The following CADM1 variants were observed in gnomAD, a reference collection of about 807,000 sequenced individuals.
The protein encoded by CADM1 is cell adhesion molecule 1.
In CADM1, 15 loss-of-function variants were observed where a neutral mutation model predicts 53.1. The observed-to-expected ratio is 0.28, with a 90% CI of 0.19 to 0.44. CADM1 has a LOEUF of 0.44. Ranked by LOEUF, CADM1 falls within the 20% of genes least tolerant of loss-of-function variation. The probability of loss-of-function intolerance (pLI) is 1.00; values close to 1 mark genes in which losing one functional copy is unlikely to be tolerated. For synonymous variants in CADM1, 281 were observed against 243.0 expected (o/e 1.16, Z -1.45); for missense variants, 434 against 611.3 (o/e 0.71, Z 3.06).
intron 6 of CADM1, 111 bp downstream of exon 6, chr11:115,217,781 A>G: frequency 1.3e-6 from 1 of 769,542 alleles, no homozygotes. Context: ...AAAACCATCC[A>G]TCCTTTGCAG....
intron 1 of CADM1, among the ~76,000 whole-genome samples, chr11:115,260,650 CT>C (rs1265577768): frequency 2.0e-5 from 3 of 152,026 alleles, no homozygotes; most frequent in Non-Finnish European, 4.4e-5. Flanking sequence ...TTCCTAAGTG[CT>C]TTTTTTAAAT....
intron 1 of CADM1, among the ~76,000 whole-genome samples, chr11:115,370,626 G>C (rs1166899361): frequency 6.6e-6 from 1 of 152,124 alleles, no homozygotes; most frequent in Non-Finnish European, 1.5e-5. Context: ...CCAATGCCTT[G>C]ATCTTGGAAG....
intron 1 of CADM1, among the ~76,000 whole-genome samples, chr11:115,426,373 G>T (rs1010499422): frequency 6.6e-6 from 1 of 152,126 alleles, no homozygotes; most frequent in South Asian, 2.1e-4. Context: ...GATTTCAGTC[G>T]CTTCCATGTC....
chr11:115,284,354 CCA>C (rs1010488477), intron 1 of CADM1, among the ~76,000 whole-genome samples: 1 of 151,722 alleles, frequency 6.6e-6, no homozygotes, highest in African/African-American at 2.4e-5. Flanking sequence ...GAAATAATTC[CCA>C]CACACAGCAC....
chr11:115,491,565 C>CA (rs1164044775), intron 1 of CADM1, among the ~76,000 whole-genome samples: 94 of 143,040 alleles, frequency 6.6e-4, no homozygotes, highest in African/African-American at 1.5e-3. Flanking sequence ...GACTCCATCT[C>CA]AAAAAAAAAA....
chr11:115,491,483 T>C (rs1430672559), intron 1 of CADM1, among the ~76,000 whole-genome samples: 2 of 151,970 alleles, frequency 1.3e-5, no homozygotes, highest in African/African-American at 2.4e-5. Context: ...GAGAATGGCA[T>C]GAACCTGGCG....
At chr11:115,358,673 T>G (rs2157614) in intron 1 of CADM1, among the ~76,000 whole-genome samples, 67,384 of 152,028 alleles carry the variant, frequency 0.44, 16,806 homozygotes, top group Non-Finnish European at 0.58. Flanking sequence ...ATAATTATTT[T>G]GAGATTAATG....
At chr11:115,187,951 T>C (rs1939656955) in intron 10 of CADM1, among the ~76,000 whole-genome samples, 1 of 152,136 alleles carries the variant, frequency 6.6e-6, no homozygotes, top group Non-Finnish European at 1.5e-5. Flanking sequence ...CAAGAGCTGA[T>C]AACATGTTTT....
chr11:115,356,244 ATATAT>A (rs1339603823), intron 1 of CADM1, among the ~76,000 whole-genome samples: 6 of 148,320 alleles, frequency 4.0e-5, no homozygotes, highest in South Asian at 4.2e-4. Flanking sequence ...TTTATATTAT[ATATAT>A]TATATAATAC....
chr11:115,478,637 C>T (rs1949189715), intron 1 of CADM1, among the ~76,000 whole-genome samples: 1 of 152,094 alleles, frequency 6.6e-6, no homozygotes. Context: ...GCAAAGTTAA[C>T]TCAGAAAGTA....
At chr11:115,199,409 T>G (rs529843836) in intron 8 of CADM1, among the ~76,000 whole-genome samples, 4 of 152,170 alleles carry the variant, frequency 2.6e-5, no homozygotes, top group Non-Finnish European at 5.9e-5. Flanking sequence ...AGGAAATGTA[T>G]TTTGTCTTTT....
intron 1 of CADM1, among the ~76,000 whole-genome samples, chr11:115,270,680 G>A (rs1407870806): frequency 1.3e-5 from 2 of 152,114 alleles, no homozygotes; most frequent in Admixed American, 6.5e-5. Context: ...TGATAAATGG[G>A]CATTCTTATC....
intron 1 of CADM1, among the ~76,000 whole-genome samples, chr11:115,418,520 T>C (rs1214482711): frequency 2.6e-5 from 4 of 152,180 alleles, no homozygotes; most frequent in African/African-American, 9.7e-5. Flanking sequence ...CAGCAGAATC[T>C]GGACCAGAAA....
intron 1 of CADM1, among the ~76,000 whole-genome samples, chr11:115,343,289 G>C (rs536074113): frequency 6.6e-6 from 1 of 152,212 alleles, no homozygotes; most frequent in East Asian, 1.9e-4. Flanking sequence ...TACATATATA[G>C]AGCTTGCCAT....
chr11:115,257,186 A>T (rs888214943), intron 1 of CADM1, among the ~76,000 whole-genome samples: 2 of 152,316 alleles, frequency 1.3e-5, no homozygotes, highest in South Asian at 4.1e-4. Flanking sequence ...AAAGAAAAAA[A>T]TAATCTAATG....
At chr11:115,340,519 GAAA>G (rs1156429500) in intron 1 of CADM1, among the ~76,000 whole-genome samples, 1 of 52,652 alleles carries the variant, frequency 1.9e-5, no homozygotes, top group Non-Finnish European at 3.8e-5. Context: ...GTTGTGGAAA[GAAA>G]AAAAAAAAAA....
chr11:115,328,518 C>T (rs1326735700), intron 1 of CADM1, among the ~76,000 whole-genome samples: 1 of 150,788 alleles, frequency 6.6e-6, no homozygotes, highest in Non-Finnish European at 1.5e-5. Context: ...GAATCACATA[C>T]TTTTTGCAAA....
At chr11:115,220,502 G>A (rs939352111) in intron 5 of CADM1, among the ~76,000 whole-genome samples, 17 of 152,180 alleles carry the variant, frequency 1.1e-4, no homozygotes, top group African/African-American at 4.1e-4. Context: ...AAGTTCTGGA[G>A]AAACATCTAC....
intron 1 of CADM1, among the ~76,000 whole-genome samples, chr11:115,326,020 G>A (rs148973309): frequency 1.6e-4 from 24 of 152,106 alleles, no homozygotes; most frequent in African/African-American, 5.3e-4. Context: ...AACTCAGAGG[G>A]GCAAAACATT....
Sources: allele counts gnomAD v4.1 joint callset (sites outside exome capture counted in the v4.1 genomes callset), GRCh38; gene constraint gnomAD v4.1.1; transcripts MANE v1.5; gene names NCBI Gene and HGNC (gene_info 2026-07-23, HGNC 2026-07-21).